The following MMP16 variants were observed in gnomAD, a reference collection of about 807,000 sequenced individuals.
MMP16 encodes matrix metallopeptidase 16.
MMP16 carries 12 observed loss-of-function variants against 67.8 expected under a neutral mutation model. The ratio of observed to expected loss-of-function variants is 0.18; its 90% confidence interval spans 0.11 to 0.29. The LOEUF is 0.29. Ranked by LOEUF, MMP16 falls within the 10% of genes least tolerant of loss-of-function variation. The pLI, the probability that MMP16 is intolerant of heterozygous loss-of-function variation, is 1.00. For missense variants in MMP16, 475 were observed against 765.7 expected (o/e 0.62, Z 4.48); for synonymous variants, 249 against 255.9 (o/e 0.97, Z 0.26).
At chr8:88,089,723 G>A (rs1006665592) in intron 6 of MMP16, among the ~76,000 whole-genome samples, 9 of 151,960 alleles carry the variant, frequency 5.9e-5, no homozygotes, top group African/African-American at 1.7e-4. Context: ...AGGGATTTCA[G>A]GAGGGAAGTC....
At chr8:88,264,991 G>A (rs1334433978) in intron 1 of MMP16, among the ~76,000 whole-genome samples, 4 of 152,096 alleles carry the variant, frequency 2.6e-5, no homozygotes, top group Admixed American at 6.5e-5. Context: ...TGCCCCTACC[G>A]ATCCTCTCCC....
chr8:88,235,964 C>T (rs1268605046), intron 1 of MMP16, among the ~76,000 whole-genome samples: 1 of 151,564 alleles, frequency 6.6e-6, no homozygotes, highest in Non-Finnish European at 1.5e-5. Context: ...AGTCAAGGAT[C>T]AAGAACATAA....
intron 1 of MMP16, among the ~76,000 whole-genome samples, chr8:88,200,809 A>T (rs1809331863): frequency 6.6e-6 from 1 of 151,964 alleles, no homozygotes; most frequent in African/African-American, 2.4e-5. Flanking sequence ...ACCCACATAT[A>T]TTAAGCAGTA....
intron 4 of MMP16, among the ~76,000 whole-genome samples, chr8:88,120,030 A>T (rs1025252254): frequency 6.6e-6 from 1 of 152,034 alleles, no homozygotes; most frequent in African/African-American, 2.4e-5. Flanking sequence ...GTCACAGAGG[A>T]ATAGATGAGA....
chr8:88,047,566 T>A (rs2118202116), intron 8 of MMP16, among the ~76,000 whole-genome samples: 1 of 152,178 alleles, frequency 6.6e-6, no homozygotes, highest in Admixed American at 6.5e-5. Flanking sequence ...AGAAGAACAT[T>A]CCAGGCAGAG....
chr8:88,107,399 A>C (rs2118399809), intron 6 of MMP16, among the ~76,000 whole-genome samples: 1 of 151,020 alleles, frequency 6.6e-6, no homozygotes, highest in East Asian at 2.0e-4. Flanking sequence ...GGGGAAAGTA[A>C]TTTTTTACAA....
intron 4 of MMP16, among the ~76,000 whole-genome samples, chr8:88,140,272 G>A (rs1808189827): frequency 6.6e-6 from 1 of 152,132 alleles, no homozygotes. Context: ...GTACTCTAAA[G>A]TCAAATATCT....
At chr8:88,191,998 A>C (rs961020894) in intron 2 of MMP16, among the ~76,000 whole-genome samples, 1 of 152,254 alleles carries the variant, frequency 6.6e-6, no homozygotes, top group Non-Finnish European at 1.5e-5. Context: ...TCATGCTCTA[A>C]GACAATATTC....
At chr8:88,057,843 A>G (rs1185196551) in intron 7 of MMP16, among the ~76,000 whole-genome samples, 2 of 152,150 alleles carry the variant, frequency 1.3e-5, no homozygotes, top group Non-Finnish European at 1.5e-5. Flanking sequence ...TACTAAGGAT[A>G]CCACAGAGGA....
intron 3 of MMP16, among the ~76,000 whole-genome samples, chr8:88,181,957 A>G (rs1224696678): frequency 6.6e-6 from 1 of 152,100 alleles, no homozygotes; most frequent in Non-Finnish European, 1.5e-5. Flanking sequence ...TTCACAAGTA[A>G]AAGAAGTGAA....
At chr8:88,094,893 T>C (rs1207081704) in intron 6 of MMP16, among the ~76,000 whole-genome samples, 1 of 151,860 alleles carries the variant, frequency 6.6e-6, no homozygotes, top group African/African-American at 2.4e-5. Context: ...TAAAGGGACG[T>C]CAGAGCTTCA....
chr8:88,136,995 T>G (rs1808130547), intron 4 of MMP16, among the ~76,000 whole-genome samples: 1 of 151,852 alleles, frequency 6.6e-6, no homozygotes, highest in Non-Finnish European at 1.5e-5. Context: ...TTTTCTCCTT[T>G]TCCAGGACTG....
chr8:88,194,892 A>G (rs1233335484), intron 2 of MMP16, among the ~76,000 whole-genome samples: 1 of 152,136 alleles, frequency 6.6e-6, no homozygotes, highest in Non-Finnish European at 1.5e-5. Context: ...AAACAAGGAA[A>G]AAAGTCCCTT....
intron 4 of MMP16, among the ~76,000 whole-genome samples, chr8:88,160,912 G>A (rs189725965): frequency 2.2e-4 from 33 of 152,298 alleles, no homozygotes; most frequent in African/African-American, 6.7e-4. Context: ...TGATCATGGT[G>A]GATAAGCTTT....
At chr8:88,124,575 T>C (rs562069999) in intron 4 of MMP16, among the ~76,000 whole-genome samples, 58 of 152,080 alleles carry the variant, frequency 3.8e-4, no homozygotes, top group African/African-American at 1.3e-3. Context: ...TAGGAGACGA[T>C]GGCCACCCTG....
intron 3 of MMP16, among the ~76,000 whole-genome samples, chr8:88,182,027 T>C (rs188739515): frequency 6.6e-6 from 1 of 152,122 alleles, no homozygotes; most frequent in African/African-American, 2.4e-5. Context: ...GAGACCCAAA[T>C]GCAAAACATA....
chr8:88,203,902 AC>A (rs1809384798), intron 1 of MMP16, among the ~76,000 whole-genome samples: 1 of 152,204 alleles, frequency 6.6e-6, no homozygotes, highest in Non-Finnish European at 1.5e-5. Context: ...GATATGAGAA[AC>A]AAAAATCTTT....
At chr8:88,272,498 G>A (rs73692213) in intron 1 of MMP16, among the ~76,000 whole-genome samples, 15,758 of 144,550 alleles carry the variant, frequency 0.11, 977 homozygotes, top group South Asian at 0.2. Flanking sequence ...CATGTGATTA[G>A]GAGAGGGCTA....
chr8:88,288,720 C>A (rs1810872751), intron 1 of MMP16, among the ~76,000 whole-genome samples: 1 of 152,098 alleles, frequency 6.6e-6, no homozygotes, highest in Non-Finnish European at 1.5e-5. Flanking sequence ...TTTCCACATC[C>A]TTTCAGGAAA....
Sources: allele counts gnomAD v4.1 joint callset (sites outside exome capture counted in the v4.1 genomes callset), GRCh38; gene constraint gnomAD v4.1.1; transcripts MANE v1.5; gene names NCBI Gene and HGNC (gene_info 2026-07-23, HGNC 2026-07-21).